The following OSBPL2 variants were observed in gnomAD, a reference collection of about 807,000 sequenced individuals.
The protein encoded by OSBPL2 is oxysterol-binding protein-related protein 2.
OSBPL2 carries 18 observed loss-of-function variants against 58.4 expected under a neutral mutation model. The observed-to-expected ratio is 0.31, with a 90% confidence interval of 0.21 to 0.46. OSBPL2 has a LOEUF of 0.46. Among genes scored for constraint, OSBPL2 ranks in the 20% least tolerant of loss-of-function variants. The pLI is 1.00. For missense variants in OSBPL2, 461 were observed against 616.5 expected (o/e 0.75, Z 2.67); for synonymous variants, 221 against 234.1 (o/e 0.94, Z 0.51).
In OSBPL2 at chr20:62,264,155, C is replaced by T. The variant is rs142573116; in HGVS notation, c.258+464C>T. ...TAAAACAGGAAAAGAACAAGCAAGT[C>T]AGGGGAAGAGGTGTTCTGTAGGTGA... On this transcript the variant is annotated intron_variant, in intron 4 of 13. Coordinates refer to ENST00000313733, the MANE Select transcript of OSBPL2 (RefSeq NM_144498.4). Among the ~76,000 whole-genome samples, 113 of 152,022 alleles carry T rather than the reference C, an allele frequency of 7.4e-4. No individual in the cohort carries two copies. In the East Asian group the frequency reaches 0.012, roughly 16 times the overall value.
At chr20:62,244,615 A>G (rs1390139044) in intron 1 of OSBPL2, among the ~76,000 whole-genome samples, 1 of 152,236 alleles carries the variant, frequency 6.6e-6, no homozygotes, top group Non-Finnish European at 1.5e-5. Flanking sequence ...TTGGAAATAC[A>G]TCGTACTGCA....
Position 62,263,656 on chromosome 20 carries a change from A to G in OSBPL2, c.223A>G (p.Ser75Gly). The change falls in exon 4 of 14, where the codon AGC (serine) becomes GGC (glycine). Residue 75 changes from serine (S) to glycine (G), a missense_variant. Ser to Gly is a moderately conservative substitution (Grantham distance 56). This residue lies in a region of OSBPL2 where 38 missense variants were observed against 74.2 expected (regional missense o/e 0.51). Transcript: ENST00000313733. ...PAPMFSRSDF[S>G]VWTILKKCVG... is the part of the protein sequence containing the mutation. ...TCCCATGTTCAGCAGAAGCGACTTCAGCGTGTGGACCATCCTGAAGAAGTG... is the reference window on the plus strand; with the variant it reads ...TCCCATGTTCAGCAGAAGCGACTTCGGCGTGTGGACCATCCTGAAGAAGTG... The G allele has an allele frequency of 6.2e-7, 1 of 1,614,166 alleles. No individual in the cohort carries two copies. The highest frequency in any genetic ancestry group is 1.1e-5 in the South Asian group (1 of 91,078).
Position 62,288,103 on chromosome 20 carries a change from T to A in OSBPL2, c.1126-1104T>A, listed in dbSNP as rs1983249240. ...CAGGGCAGAGACCCCTGGAGTAGAC[T>A]AGTGTGTGAGGGCCCAGGGGGCCAT... On this transcript the variant is annotated intron_variant, in intron 11 of 13. Transcript: ENST00000313733. This position sits in a 1 kb window ranked among gnomAD's most constrained non-coding sequence, Gnocchi z 4.8. Among the ~76,000 whole-genome samples the A allele has an allele frequency of 2.0e-5, 3 of 152,014 alleles. No homozygotes were observed. The highest frequency in any genetic ancestry group is 1.3e-4 in the Admixed American group (2 of 15,270).
rs999717007 is a variant in OSBPL2 at position 62,294,312 on chromosome 20, G to A, written c.*425G>A. Reference sequence around the variant, plus strand: ...TTTAAACTCGAACCAGTGGGGGAAAGATGGATCTTGAAGCTAATCCTGCAG... The same window carrying A: ...TTTAAACTCGAACCAGTGGGGGAAAAATGGATCTTGAAGCTAATCCTGCAG... On this transcript the variant is annotated 3_prime_UTR_variant, in exon 14 of 14. Transcript: ENST00000313733. 2.9e-5 allele frequency: 5 copies of A among 170,872 alleles called. No individual in the cohort carries two copies. The highest frequency in any genetic ancestry group is 9.5e-5 in the African/African-American group (4 of 41,886). 10.6% of individuals were successfully genotyped at this position (170,872 alleles called of 1,614,324 possible).
At chr20:62,255,989 AT>A in intron 1 of OSBPL2, 67 bp from the exon 2 acceptor site, 1 of 543,156 alleles carries the variant, frequency 1.8e-6, no homozygotes, top group East Asian at 3.3e-5. Flanking sequence ...GTGAATGGGT[AT>A]TTTTAAAATG....
In OSBPL2 at chr20:62,256,183, G is replaced by T. The variant is rs6062173; in HGVS notation, c.-2G>T. ...GGGGCAGTGGAGGCTGGCTGCTGAA[G>T]GATGAACGGAGAGGAAGAATTCTTT... On this transcript the variant is annotated 5_prime_UTR_variant, in exon 2 of 14. It adds an upstream start codon to the 5' untranslated region. Transcript: ENST00000313733. 2.5e-6 allele frequency: 4 copies of T among 1,613,942 alleles called. No individual in the cohort carries two copies. The highest frequency in any genetic ancestry group is 3.4e-6 in the Non-Finnish European group (4 of 1,179,902).
chr20:62,281,798 A>G lies in OSBPL2; in HGVS notation c.791A>G (p.His264Arg), dbSNP rs1982804771. 5 of 1,608,468 alleles carry G rather than the reference A, an allele frequency of 3.1e-6. No homozygotes were observed. Among genetic ancestry groups the G allele is most frequent in the Non-Finnish European group, 4.3e-6 (5 of 1,175,180 alleles). The change falls in exon 9 of 14, where the codon CAT becomes CGT. Residue 264 changes from histidine (H) to arginine (R), a missense_variant. Around this residue, in one of 5 missense-constraint regions of OSBPL2, gnomAD observed 319 missense variants for 419.2 expected, o/e 0.76. Transcript: ENST00000313733. ...TVEILNHRTGHKCVLHFKPCG... is the reference protein window; with the variant it reads ...TVEILNHRTGRKCVLHFKPCG... ...GTTTGTTTTTCTCACAGAACTGGACATAAGTGTGTGCTTCACTTTAAACCG... is the reference window on the plus strand; with the variant it reads ...GTTTGTTTTTCTCACAGAACTGGACGTAAGTGTGTGCTTCACTTTAAACCG...
At chr20:62,267,459 T>C (rs1354636651) in intron 4 of OSBPL2, among the ~76,000 whole-genome samples, 1 of 152,140 alleles carries the variant, frequency 6.6e-6, no homozygotes, top group Non-Finnish European at 1.5e-5. Flanking sequence ...GCCTATCCTG[T>C]GCGTTTACTG....
intron 3 of OSBPL2, among the ~76,000 whole-genome samples, chr20:62,262,978 G>T (rs1017168946): frequency 6.6e-6 from 1 of 152,044 alleles, no homozygotes; most frequent in Non-Finnish European, 1.5e-5. Flanking sequence ...CCATTCAGGC[G>T]CTCCCCTCCT....
At chr20:62,255,748 G>A (rs985059135) in intron 1 of OSBPL2, among the ~76,000 whole-genome samples, 9 of 151,832 alleles carry the variant, frequency 5.9e-5, no homozygotes, top group East Asian at 2.0e-4. Flanking sequence ...CAAGTGATCC[G>A]CCCACCTCAG....
chr20:62,292,069 C>T lies in OSBPL2; in HGVS notation c.1340+276C>T, dbSNP rs537859016. Among the ~76,000 whole-genome samples the T allele has an allele frequency of 5.9e-5, 9 of 152,326 alleles. No individual in the cohort carries two copies. In the South Asian group the frequency reaches 8.3e-4, roughly 14 times the overall value. On this transcript the variant is annotated intron_variant, in intron 13 of 13. Coordinates refer to ENST00000313733, the MANE Select transcript of OSBPL2 (RefSeq NM_144498.4). ...CATCCTAGCTTAGCGCACACTTTGC[C>T]GAGACCACCCGGCTGGGGGTGGCCT...
intron 1 of OSBPL2, among the ~76,000 whole-genome samples, chr20:62,251,037 A>ATTTTT (rs35328509): frequency 2.9e-4 from 28 of 97,796 alleles, no homozygotes; most frequent in South Asian, 6.4e-4. Flanking sequence ...AGAGCAATAG[A>ATTTTT]TTTTTTTTTT....
At chr20:62,282,471 T>C (rs1982857169) in intron 9 of OSBPL2, among the ~76,000 whole-genome samples, 1 of 152,198 alleles carries the variant, frequency 6.6e-6, no homozygotes, top group Non-Finnish European at 1.5e-5. Flanking sequence ...ATTTGAGCCA[T>C]AGAATGTCAT....
intron 12 of OSBPL2, among the ~76,000 whole-genome samples, chr20:62,289,852 C>T (rs958787712): frequency 6.6e-6 from 1 of 152,086 alleles, no homozygotes; most frequent in African/African-American, 2.4e-5. Flanking sequence ...TTGCAGTGAG[C>T]CGAGATTATA....
intron 1 of OSBPL2, among the ~76,000 whole-genome samples, chr20:62,249,659 C>T (rs1484258905): frequency 6.6e-6 from 1 of 152,236 alleles, no homozygotes. Context: ...ACTGCAACCT[C>T]CGCCTCCCAG....
intron 5 of OSBPL2, among the ~76,000 whole-genome samples, chr20:62,272,714 T>C (rs886604890): frequency 6.6e-6 from 1 of 152,208 alleles, no homozygotes; most frequent in Admixed American, 6.5e-5. Flanking sequence ...GGCAACACAG[T>C]GAGACCGCAT....
chr20:62,281,222 C>T, intron 8 of OSBPL2, 57 bp downstream of exon 8: 2 of 1,299,888 alleles, frequency 1.5e-6, no homozygotes, highest in Non-Finnish European at 2.2e-6. Context: ...GATGGGCGAG[C>T]CGGGGAGCGT....
At chr20:62,286,514 G>C in intron 10 of OSBPL2, 69 bp from the exon 11 acceptor site, 1 of 1,551,674 alleles carries the variant, frequency 6.4e-7, no homozygotes, top group Non-Finnish European at 8.8e-7. Flanking sequence ...GGCGCTCTGA[G>C]AATAGCTGTC....
In OSBPL2 at chr20:62,294,599, G is replaced by A. The variant is rs1211868666; in HGVS notation, c.*712G>A. The A allele has an allele frequency of 2.0e-5, 3 of 152,444 alleles. No homozygotes were observed. Among genetic ancestry groups the A allele is most frequent in the African/African-American group, 4.8e-5 (2 of 41,456 alleles). The allele number at this position is 152,444 out of a possible 1,614,324, so 9.4% of individuals were successfully genotyped here. ...ACAAACCAGAGTGGGCAGAAGCATC[G>A]AGAGCGTGACAGGAAATCCCAAGAC... On this transcript the variant is annotated 3_prime_UTR_variant, in exon 14 of 14. Coordinates refer to ENST00000313733, the MANE Select transcript of OSBPL2 (RefSeq NM_144498.4).
Sources: gnomAD v4.1 joint callset for allele counts (sites outside exome capture counted in the v4.1 genomes callset) on GRCh38, gnomAD v4.1.1 for gene constraint, gnomAD v4.1.1 regional missense constraint, Gnocchi (gnomAD v3.1) non-coding constraint, MANE v1.5 for transcripts, NCBI Gene and HGNC (gene_info 2026-07-23, HGNC 2026-07-21) for gene names.